Variants in CSMD1 observed in about 807,000 individuals in gnomAD.
CSMD1 encodes the protein CUB and Sushi multiple domains 1, also known as CUB and sushi domain-containing protein 1.
A neutral mutation model predicts 417.5 loss-of-function variants in CSMD1; 213 were observed. That is an observed-to-expected ratio of 0.51 (90% confidence interval 0.46 to 0.57). The LOEUF (loss-of-function observed/expected upper bound fraction) is 0.57. CSMD1 is among the 20% of genes least tolerant of loss of function. CSMD1 has a pLI of 0.00. For synonymous variants in CSMD1, 2,862 were observed against 1,736.8 expected (o/e 1.65, Z -16.11); for missense variants, 6,923 against 4,529.7 (o/e 1.53, Z -15.17).
At chr8:3,430,112 C>T (rs1814124492) in intron 12 of CSMD1, among the ~76,000 whole-genome samples, 1 of 152,076 alleles carries the variant, frequency 6.6e-6, no homozygotes, top group South Asian at 2.1e-4. Flanking sequence ...TGCACATATA[C>T]ATATATACAC....
chr8:4,912,797 G>GT (rs1241614483), intron 1 of CSMD1, among the ~76,000 whole-genome samples: 1 of 119,372 alleles, frequency 8.4e-6, no homozygotes, highest in Non-Finnish European at 1.8e-5. Context: ...ATTTTTTTTG[G>GT]AGGGGGGGCA....
rs7464565 is a variant in CSMD1 at position 3,115,206 on chromosome 8, C to T, written c.6430+3193G>A. Among the ~76,000 whole-genome samples the T allele has an allele frequency of 3.8e-3, 308 of 80,708 alleles. 2 individuals are homozygous for T. The highest frequency in any genetic ancestry group is 4.7e-3 in the Non-Finnish European group (196 of 41,570). The allele number at this position is 80,708 out of a possible 152,430, so 52.9% of individuals were successfully genotyped here. A position where few individuals can be genotyped will look rare whatever the true frequency, so the allele number is the denominator to read the frequency against. ...TTAACAATTACAATCCCCCCCCCCCCTTTTTTTTTTTTGAGATGGAGTTTT... is the reference window on the plus strand; with the variant it reads ...TTAACAATTACAATCCCCCCCCCCCTTTTTTTTTTTTTGAGATGGAGTTTT... On this transcript the variant is annotated intron_variant, in intron 42 of 69. Transcript: ENST00000635120.
chr8:3,143,697 G>A (rs749152399), intron 40 of CSMD1, among the ~76,000 whole-genome samples: 3 of 152,142 alleles, frequency 2.0e-5, no homozygotes, highest in Non-Finnish European at 4.4e-5. Context: ...TGTTATTCCA[G>A]TATAAAAGAA....
intron 5 of CSMD1, among the ~76,000 whole-genome samples, chr8:3,982,136 T>C (rs1201195620): frequency 1.3e-5 from 2 of 149,692 alleles, no homozygotes; most frequent in African/African-American, 4.9e-5. Flanking sequence ...CCAGCCTGGG[T>C]GACACAGCGA....
At chr8:4,776,256 T>A (rs1796846919) in intron 1 of CSMD1, among the ~76,000 whole-genome samples, 1 of 152,170 alleles carries the variant, frequency 6.6e-6, no homozygotes, top group South Asian at 2.1e-4. Context: ...GGAGTTCATT[T>A]CAAGACCCTC....
intron 3 of CSMD1, among the ~76,000 whole-genome samples, chr8:4,348,946 C>A (rs1363394330): frequency 6.6e-6 from 1 of 152,020 alleles, no homozygotes; most frequent in African/African-American, 2.4e-5. Flanking sequence ...CAGACAGTGC[C>A]CTCAGAATAC....
rs71502956 is a variant in CSMD1 at position 3,412,087 on chromosome 8, T to C, written c.1562-2482A>G. Among the ~76,000 whole-genome samples the C allele has an allele frequency of 8.9e-3, 863 of 97,332 alleles. 246 individuals are homozygous for C. Among genetic ancestry groups the C allele is most frequent in the East Asian group, 0.014 (33 of 2,410 alleles). The allele number at this position is 97,332 out of a possible 152,430, so 63.9% of individuals were successfully genotyped here. ...GTATATATACATATATACATATATATACACACGTATATATACATATATACA... is the reference window on the plus strand; with the variant it reads ...GTATATATACATATATACATATATACACACACGTATATATACATATATACA... On this transcript the variant is annotated intron_variant, in intron 12 of 69. Coordinates refer to ENST00000635120, the MANE Select transcript of CSMD1 (RefSeq NM_033225.6).
intron 3 of CSMD1, among the ~76,000 whole-genome samples, chr8:4,328,237 ATACAATT>A (rs1165340185): frequency 1.2e-4 from 17 of 138,114 alleles, no homozygotes; most frequent in Middle Eastern, 7.8e-3. Context: ...ATTGCACTCA[ATACAATT>A]TTTTTTTTTT....
intron 2 of CSMD1, among the ~76,000 whole-genome samples, chr8:4,435,415 T>G (rs917406096): frequency 6.6e-6 from 1 of 152,220 alleles, no homozygotes; most frequent in African/African-American, 2.4e-5. Flanking sequence ...GAAGTCACCA[T>G]GCAGGCCCAG....
intron 5 of CSMD1, among the ~76,000 whole-genome samples, chr8:3,990,341 G>A (rs1307915600): frequency 6.6e-6 from 1 of 152,100 alleles, no homozygotes; most frequent in African/African-American, 2.4e-5. Context: ...TCTGACATGA[G>A]AGAAATATTA....
intron 37 of CSMD1, among the ~76,000 whole-genome samples, chr8:3,176,787 T>TC (rs1455082259): frequency 6.6e-6 from 1 of 151,520 alleles, no homozygotes; most frequent in East Asian, 1.9e-4. Flanking sequence ...TCTTTCTTTT[T>TC]TTTTTTCTTG....
intron 36 of CSMD1, among the ~76,000 whole-genome samples, chr8:3,187,115 G>A (rs903412118): frequency 4.6e-5 from 7 of 152,212 alleles, no homozygotes; most frequent in African/African-American, 1.7e-4. Flanking sequence ...CTCAGGAAAT[G>A]TGGGCAACTG....
In CSMD1 at chr8:3,518,434, G is replaced by A. The variant is rs147400813; in HGVS notation, c.1345-24708C>T. Among the ~76,000 whole-genome samples the A allele has an allele frequency of 1.2e-4, 19 of 152,232 alleles. No individual in the cohort carries two copies. In the East Asian group the frequency reaches 1.9e-3, roughly 15 times the overall value. On this transcript the variant is annotated intron_variant, in intron 10 of 69. Coordinates refer to ENST00000635120, the MANE Select transcript of CSMD1 (RefSeq NM_033225.6). The stretch of plus-strand genomic sequence containing the variant: ...AATAGACGGAGACACACAAAAATCT[G>A]CTTTTAAAATTCTGACACATAGAAA...
intron 67 of CSMD1, 101 bp downstream of exon 67, chr8:2,950,130 G>A (rs1259964736): frequency 1.3e-6 from 1 of 748,334 alleles, no homozygotes; most frequent in African/African-American, 1.7e-5. Flanking sequence ...GCAGACACAA[G>A]ACAGCTCTAC....
At chr8:3,644,966 GAAAAAAA>G (rs71203456) in intron 7 of CSMD1, among the ~76,000 whole-genome samples, 9 of 64,522 alleles carry the variant, frequency 1.4e-4, no homozygotes, top group East Asian at 1.1e-3. Context: ...GGCTTTAAAT[GAAAAAAA>G]AAAAAAAAAA....
At chr8:3,810,270 G>A (rs1171431198) in intron 5 of CSMD1, among the ~76,000 whole-genome samples, 7 of 152,106 alleles carry the variant, frequency 4.6e-5, no homozygotes, top group Admixed American at 4.6e-4. Flanking sequence ...GTACTTCCAT[G>A]TATTCCTGAT....
At chr8:4,753,616 G>C (rs577018844) in intron 1 of CSMD1, among the ~76,000 whole-genome samples, 2 of 152,110 alleles carry the variant, frequency 1.3e-5, no homozygotes, top group East Asian at 3.9e-4. Context: ...ACAGTATCAG[G>C]CGTCTCACTG....
chr8:4,847,497 A>G (rs1218823248), intron 1 of CSMD1, among the ~76,000 whole-genome samples: 1 of 152,138 alleles, frequency 6.6e-6, no homozygotes, highest in East Asian at 1.9e-4. Flanking sequence ...CCCACTATTA[A>G]CATGTTAAAT....
intron 2 of CSMD1, among the ~76,000 whole-genome samples, chr8:4,547,348 G>A (rs994238746): frequency 6.6e-5 from 10 of 152,118 alleles, no homozygotes; most frequent in South Asian, 2.1e-4. Flanking sequence ...CCACAGCAGT[G>A]AACTTTCTAA....
Sources: allele counts gnomAD v4.1 joint callset (sites outside exome capture counted in the v4.1 genomes callset), GRCh38; gene constraint gnomAD v4.1.1; transcripts MANE v1.5; gene names NCBI Gene and HGNC (gene_info 2026-07-23, HGNC 2026-07-21).